Variants in CTNNA2 observed in about 807,000 individuals in gnomAD.
CTNNA2 encodes the protein catenin alpha 2.
In CTNNA2, 42 loss-of-function variants were observed where a neutral mutation model predicts 101.0. That is an observed-to-expected ratio of 0.42 (90% CI 0.32 to 0.54). The LOEUF is 0.54. CTNNA2 is among the 20% of genes least tolerant of loss of function. The pLI is 0.14. For missense variants in CTNNA2, 871 were observed against 1,223.1 expected (o/e 0.71, Z 4.29); for synonymous variants, 450 against 456.4 (o/e 0.99, Z 0.18).
At chr2:79,505,345 A>G (rs1671389383) in intron 5 of CTNNA2, among the ~76,000 whole-genome samples, 1 of 152,104 alleles carries the variant, frequency 6.6e-6, no homozygotes. Context: ...TGAACTGTCT[A>G]CAGTTGTTTA....
intron 11 of CTNNA2, among the ~76,000 whole-genome samples, chr2:80,548,022 T>C (rs1046033609): frequency 6.6e-6 from 1 of 152,182 alleles, no homozygotes; most frequent in Non-Finnish European, 1.5e-5. Flanking sequence ...TATTTTTTGC[T>C]TTGCTGATAG....
At chr2:79,966,268 C>T (rs570882581) in intron 7 of CTNNA2, among the ~76,000 whole-genome samples, 1 of 152,192 alleles carries the variant, frequency 6.6e-6, no homozygotes, top group South Asian at 2.1e-4. Context: ...CAGGGTCTTG[C>T]TTTATCACCC....
intron 7 of CTNNA2, among the ~76,000 whole-genome samples, chr2:80,154,101 A>G (rs1019674419): frequency 3.9e-5 from 6 of 152,210 alleles, no homozygotes; most frequent in Admixed American, 6.5e-5. Flanking sequence ...AGTACTTTAT[A>G]AATATTAGCT....
chr2:79,572,382 A>G (rs1266762229), intron 1 of CTNNA2, among the ~76,000 whole-genome samples: 1 of 152,162 alleles, frequency 6.6e-6, no homozygotes, highest in African/African-American at 2.4e-5. Context: ...AAGAACCTGG[A>G]CTTGGAATAA....
intron 9 of CTNNA2, among the ~76,000 whole-genome samples, chr2:80,488,254 T>C (rs1384549950): frequency 1.3e-5 from 2 of 152,212 alleles, no homozygotes; most frequent in African/African-American, 4.8e-5. Context: ...AGCCTACTCA[T>C]TTCATAAATT....
chr2:79,589,986 G>T (rs1676742416), intron 1 of CTNNA2, among the ~76,000 whole-genome samples: 1 of 152,152 alleles, frequency 6.6e-6, no homozygotes, highest in Admixed American at 6.5e-5. Context: ...ATGACACTTT[G>T]TTTTCCGTAA....
chr2:79,291,630 G>A (rs1675819178), intron 2 of CTNNA2, among the ~76,000 whole-genome samples: 1 of 152,130 alleles, frequency 6.6e-6, no homozygotes, highest in Admixed American at 6.5e-5. Flanking sequence ...TTACTCAGAT[G>A]TGTGGCTACT....
At chr2:79,808,570 A>G (rs1422389608) in intron 3 of CTNNA2, among the ~76,000 whole-genome samples, 1 of 152,160 alleles carries the variant, frequency 6.6e-6, no homozygotes, top group Admixed American at 6.6e-5. Context: ...TTATGTTTAT[A>G]AAGTCCGGTT....
At chr2:79,509,014 A>ATAT (rs1671479159), upstream of CTNNA2, among the ~76,000 whole-genome samples, 1 of 85,412 alleles carries the variant, frequency 1.2e-5, no homozygotes, top group African/African-American at 3.8e-5. Context: ...TATATATATA[A>ATAT]ACAATTACCT....
chr2:79,639,762 G>T (rs1424698633), intron 1 of CTNNA2, among the ~76,000 whole-genome samples: 2 of 152,066 alleles, frequency 1.3e-5, no homozygotes, highest in African/African-American at 4.8e-5. Context: ...ATTAGTTTTA[G>T]TATAACTCAA....
chr2:79,875,512 A>T (rs1481948926), intron 6 of CTNNA2, among the ~76,000 whole-genome samples: 1 of 152,280 alleles, frequency 6.6e-6, no homozygotes, highest in East Asian at 1.9e-4. Context: ...GAATATGTTG[A>T]TGTGAATTTT....
intron 18 of CTNNA2, among the ~76,000 whole-genome samples, chr2:80,625,452 G>A (rs1375862520): frequency 6.6e-6 from 1 of 151,950 alleles, no homozygotes; most frequent in African/African-American, 2.4e-5. Flanking sequence ...CTTCCTGGAG[G>A]TCACAAAGTC....
rs78723457 is a variant in CTNNA2, at chr2:79,472,135, A to G, written c.-134-32919A>G. The stretch of plus-strand genomic sequence containing the variant: ...AAATCAAACAAGTTATGTGCTTCCA[A>G]AACAAGCAAAGCGTAGACATTCCCT... On this transcript the variant is annotated intron_variant, in intron 4 of 21. Coordinates refer to the CTNNA2 transcript ENST00000466387. Among the ~76,000 whole-genome samples, 1,630 of 152,326 alleles carry G rather than the reference A, an allele frequency of 0.011. 78 individuals carry two copies. In the East Asian group the frequency reaches 0.13, roughly 12 times the overall value.
At chr2:79,967,853 C>A (rs544619338) in intron 7 of CTNNA2, among the ~76,000 whole-genome samples, 1 of 152,014 alleles carries the variant, frequency 6.6e-6, no homozygotes, top group South Asian at 2.1e-4. Context: ...TAAAAAATTG[C>A]GGTAATGTTC....
intron 4 of CTNNA2, among the ~76,000 whole-genome samples, chr2:79,393,241 C>T (rs994931844): frequency 6.6e-6 from 1 of 152,174 alleles, no homozygotes; most frequent in Admixed American, 6.6e-5. Flanking sequence ...CAGGTAGCAG[C>T]ATCAATATCA....
intron 18 of CTNNA2, among the ~76,000 whole-genome samples, chr2:80,629,310 G>A (rs539478533): frequency 4.6e-5 from 7 of 152,068 alleles, no homozygotes; most frequent in Non-Finnish European, 5.9e-5. Flanking sequence ...AGGAATCACC[G>A]ACAGAGAGGG....
chr2:80,267,314 T>C (rs1382837428), intron 7 of CTNNA2, among the ~76,000 whole-genome samples: 2 of 152,100 alleles, frequency 1.3e-5, no homozygotes, highest in African/African-American at 4.8e-5. Context: ...AGAATAGATA[T>C]AGCATGGTGG....
intron 7 of CTNNA2, among the ~76,000 whole-genome samples, chr2:80,164,256 A>G (rs1023645250): frequency 4.0e-5 from 6 of 151,474 alleles, no homozygotes; most frequent in African/African-American, 1.2e-4. Context: ...CTTCCTATGT[A>G]TTACTTGATC....
chr2:79,485,051 C>G (rs1014041560), intron 4 of CTNNA2, among the ~76,000 whole-genome samples: 12 of 152,226 alleles, frequency 7.9e-5, no homozygotes, highest in Admixed American at 7.9e-4. Context: ...ATCAGTTTCT[C>G]TTTCTCTGTG....
Sources: gnomAD v4.1 joint callset for allele counts (sites outside exome capture counted in the v4.1 genomes callset) on GRCh38, gnomAD v4.1.1 for gene constraint, MANE v1.5 for transcripts, NCBI Gene and HGNC (gene_info 2026-07-23, HGNC 2026-07-21) for gene names.